TFCP2L1: variants seen among roughly 807,000 people sequenced by gnomAD.
The protein encoded by TFCP2L1 is transcription factor CP2 like 1, also known as transcription factor CP2-like protein 1.
TFCP2L1 carries 12 observed loss-of-function variants against 72.2 expected under a neutral mutation model. The observed-to-expected ratio is 0.17, with a 90% CI of 0.11 to 0.27. The LOEUF (loss-of-function observed/expected upper bound fraction) is 0.27. TFCP2L1 is among the 10% of genes least tolerant of loss of function. TFCP2L1 has a pLI of 1.00. For synonymous variants in TFCP2L1, 260 were observed against 251.0 expected (o/e 1.04, Z -0.34); for missense variants, 488 against 624.6 (o/e 0.78, Z 2.33).
At chr2:121,276,892 A>G (rs1404854853) in intron 2 of TFCP2L1, among the ~76,000 whole-genome samples, 3 of 152,084 alleles carry the variant, frequency 2.0e-5, no homozygotes, top group African/African-American at 7.2e-5. Flanking sequence ...AGTTTATTTC[A>G]AAGAATGAAA....
In TFCP2L1 at chr2:121,234,295, G is replaced by A. The variant is rs909320879; in HGVS notation, c.1095-101C>T. 2.7e-6 allele frequency: 3 copies of A among 1,112,126 alleles called. No homozygotes were observed. In the African/African-American group the frequency reaches 4.6e-5, roughly 17 times the overall value. 68.9% of individuals were successfully genotyped at this position (1,112,126 alleles called of 1,614,324 possible). A position where few individuals can be genotyped will look rare whatever the true frequency, so the allele number is the denominator to read the frequency against. ...ACAATAGTGGGCAGAACTCAGGGAG[G>A]AAGAAAGACAGCGGTGGTGACGTGG... On this transcript the variant is annotated intron_variant, in intron 11 of 14. Transcript: ENST00000263707.
At position 121,239,634 on chromosome 2, in the gene TFCP2L1, C is replaced by A. The variant is rs769312580; in HGVS notation, c.784G>T (p.Asp262Tyr). The change falls in exon 8 of 15, where the codon GAC (aspartate) becomes TAC (tyrosine). Residue 262 changes from aspartate (D) to tyrosine (Y), a missense_variant. Asp to Tyr is a radical substitution (Grantham distance 160). Transcript: ENST00000263707. Reference sequence around the variant, plus strand: ...GCGCTGTTCACCTGGTAGGCCACGTCGGGCCATGGAGAGCACTGCAGGAGA... The same window carrying A: ...GCGCTGTTCACCTGGTAGGCCACGTAGGGCCATGGAGAGCACTGCAGGAGA... ...TILTECSPWP[D>Y]VAYQVNSAPS... is the part of the protein sequence containing the mutation. 3.1e-6 allele frequency: 5 copies of A among 1,614,096 alleles called. No individual in the cohort carries two copies. The highest frequency in any genetic ancestry group is 4.2e-6 in the Non-Finnish European group (5 of 1,180,000).
intron 13 of TFCP2L1, among the ~76,000 whole-genome samples, chr2:121,226,988 G>A (rs75315816): frequency 0.023 from 3,567 of 152,278 alleles, 152 homozygotes; most frequent in African/African-American, 0.08. Context: ...AGCCCCGTCA[G>A]TCAACAGCAG....
rs2104647418 is a variant in TFCP2L1 at position 121,221,696 on chromosome 2, A to G, written c.*2645T>C. The stretch of plus-strand genomic sequence containing the variant: ...AATCTTCTTGACCTTGGATTAGGCA[A>G]TGGTTTTCTAGATATGGCACCAAAA... On this transcript the variant is annotated 3_prime_UTR_variant, in exon 15 of 15. Transcript: ENST00000263707. 1 of 152,348 alleles carries G rather than the reference A, an allele frequency of 6.6e-6. No individual in the cohort carries two copies. The highest frequency in any genetic ancestry group is 1.9e-4 in the East Asian group (1 of 5,190). 9.4% of individuals were successfully genotyped at this position (152,348 alleles called of 1,614,324 possible).
At position 121,239,551 on chromosome 2, in the gene TFCP2L1, G is replaced by C; in HGVS notation, c.860+7C>G. 1.2e-6 allele frequency: 2 copies of C among 1,614,124 alleles called. No homozygotes were observed. The highest frequency in any genetic ancestry group is 1.7e-6 in the Non-Finnish European group (2 of 1,179,958). ...AGGGAACCCGAAGAAAGAGAGGTGGGACGTACCCTTCGCCGAGGCCAAAGC... is the reference window on the plus strand; with the variant it reads ...AGGGAACCCGAAGAAAGAGAGGTGGCACGTACCCTTCGCCGAGGCCAAAGC... On this transcript the variant is annotated splice_region_variant and intron_variant, in intron 8 of 14. Transcript: ENST00000263707.
At chr2:121,240,561 A>G in intron 7 of TFCP2L1, 2 of 985,462 alleles carry the variant, frequency 2.0e-6, no homozygotes, top group Non-Finnish European at 2.4e-6. Context: ...TAGAAGTGGC[A>G]GCCGGTGCCT....
intron 2 of TFCP2L1, among the ~76,000 whole-genome samples, chr2:121,279,151 C>G (rs1360117678): frequency 6.6e-6 from 1 of 152,158 alleles, no homozygotes; most frequent in Non-Finnish European, 1.5e-5. Context: ...CTCTTCAGCA[C>G]CACAGGACTT....
At chr2:121,235,368 T>A in intron 10 of TFCP2L1, 57 bp from the exon 11 acceptor site, 1 of 1,448,584 alleles carries the variant, frequency 6.9e-7, no homozygotes, top group Non-Finnish European at 9.6e-7. Context: ...AAGGGCTCGG[T>A]CCCCAACCAG....
intron 2 of TFCP2L1, among the ~76,000 whole-genome samples, chr2:121,258,449 AATC>A (rs1350849916): frequency 2.0e-5 from 3 of 152,236 alleles, no homozygotes; most frequent in Non-Finnish European, 2.9e-5. Flanking sequence ...AATGGTCAGC[AATC>A]ACGTTACTAC....
intron 2 of TFCP2L1, among the ~76,000 whole-genome samples, chr2:121,266,459 T>C (rs1686932343): frequency 6.6e-6 from 1 of 152,214 alleles, no homozygotes; most frequent in South Asian, 2.1e-4. Context: ...GTAAAGTTTA[T>C]TAAACCAGGG....
At chr2:121,263,155 G>A (rs1310863545) in intron 2 of TFCP2L1, among the ~76,000 whole-genome samples, 10 of 152,040 alleles carry the variant, frequency 6.6e-5, no homozygotes, top group South Asian at 6.2e-4. Context: ...GGCTGGTCTC[G>A]AACTTTCCGA....
chr2:121,227,718 A>AATAC (rs1686057356), intron 13 of TFCP2L1, among the ~76,000 whole-genome samples: 1 of 39,884 alleles, frequency 2.5e-5, no homozygotes, highest in Non-Finnish European at 6.1e-5. Context: ...ATAAACATAC[A>AATAC]ATACACACAC....
Position 121,224,198 on chromosome 2 carries a change from G to T in TFCP2L1, c.*143C>A. 2 of 865,694 alleles carry T rather than the reference G, an allele frequency of 2.3e-6. No individual in the cohort carries two copies. The highest frequency in any genetic ancestry group is 3.7e-6 in the Non-Finnish European group (2 of 547,594). The allele number at this position is 865,694 out of a possible 1,614,324, so 53.6% of individuals were successfully genotyped here. On this transcript the variant is annotated 3_prime_UTR_variant, in exon 15 of 15. Coordinates refer to ENST00000263707, the MANE Select transcript of TFCP2L1 (RefSeq NM_014553.3). ...TGTCCACAGGCTTCTGCTGGTTGGT[G>T]CTCTGTAGCTTTCACAGACTGGGCA...
At chr2:121,255,746 T>C (rs1342437417) in intron 2 of TFCP2L1, among the ~76,000 whole-genome samples, 3 of 95,314 alleles carry the variant, frequency 3.1e-5, no homozygotes, top group Non-Finnish European at 6.6e-5. Flanking sequence ...CCTGAACTTA[T>C]TTTTTTTTTT....
intron 6 of TFCP2L1, 54 bp from the exon 7 acceptor site, chr2:121,242,523 C>A: frequency 6.4e-7 from 1 of 1,557,460 alleles, no homozygotes; most frequent in Non-Finnish European, 8.8e-7. Flanking sequence ...GGCAGCAGCC[C>A]CCAAGCCCTC....
intron 2 of TFCP2L1, among the ~76,000 whole-genome samples, chr2:121,264,015 A>G (rs1230430850): frequency 1.3e-5 from 2 of 152,232 alleles, no homozygotes; most frequent in Admixed American, 1.3e-4. Context: ...AAGAGTAGAA[A>G]AACCAAATCT....
At chr2:121,260,893 T>C (rs563651856) in intron 2 of TFCP2L1, among the ~76,000 whole-genome samples, 12 of 152,360 alleles carry the variant, frequency 7.9e-5, no homozygotes, top group African/African-American at 2.9e-4. Flanking sequence ...ATTTACAGGT[T>C]GTTTACTTTC....
rs1685847908 is a variant in TFCP2L1, at chr2:121,216,992, C to CGCAAA, written c.*7344_*7348dup. On this transcript the variant is annotated 3_prime_UTR_variant, in exon 15 of 15. Coordinates refer to ENST00000263707, the MANE Select transcript of TFCP2L1 (RefSeq NM_014553.3). Reference sequence around the variant, plus strand: ...CTTCTGTGGTTAACCAAGCAAGCCCCGCAAAGCTTTTCCCAGCAGAGCACA... The same window carrying CGCAAA: ...CTTCTGTGGTTAACCAAGCAAGCCCCGCAAAGCAAAGCTTTTCCCAGCAGAGCACA... 6.6e-6 allele frequency: 1 copy of CGCAAA among 152,420 alleles called. No homozygotes were observed. The highest frequency in any genetic ancestry group is 2.1e-4 in the South Asian group (1 of 4,834). 9.4% of individuals were successfully genotyped at this position (152,420 alleles called of 1,614,324 possible).
At chr2:121,229,232 CCCACA>C (rs1366494931) in intron 13 of TFCP2L1, among the ~76,000 whole-genome samples, 1 of 152,068 alleles carries the variant, frequency 6.6e-6, no homozygotes, top group African/African-American at 2.4e-5. Context: ...GTTTTAAAAA[CCCACA>C]CCTACATACA....
Sources: allele counts gnomAD v4.1 joint callset (sites outside exome capture counted in the v4.1 genomes callset), GRCh38; gene constraint gnomAD v4.1.1; transcripts MANE v1.5; gene names NCBI Gene and HGNC (gene_info 2026-07-23, HGNC 2026-07-21).